Variants in AMPH observed in about 807,000 individuals in gnomAD.
The protein encoded by AMPH is amphiphysin.
In AMPH, 49 loss-of-function variants were observed where a neutral mutation model predicts 99.1. That is an observed-to-expected ratio of 0.49 (90% CI 0.39 to 0.63). The LOEUF is 0.63. Among genes scored for constraint, AMPH ranks in the 20% least tolerant of loss-of-function variants. AMPH has a pLI of 0.00. For synonymous variants in AMPH, 314 were observed against 317.3 expected (o/e 0.99, Z 0.11); for missense variants, 759 against 863.4 (o/e 0.88, Z 1.52).
intron 3 of AMPH, among the ~76,000 whole-genome samples, chr7:38,496,294 A>G (rs1325475697): frequency 1.3e-5 from 2 of 152,324 alleles, no homozygotes; most frequent in South Asian, 4.1e-4. Flanking sequence ...TACATCCTTG[A>G]GGAGTATGTA....
chr7:38,542,399 C>T (rs1790837468), intron 1 of AMPH, among the ~76,000 whole-genome samples: 1 of 152,180 alleles, frequency 6.6e-6, no homozygotes, highest in Non-Finnish European at 1.5e-5. Context: ...TCTCCAACCT[C>T]TTTAGATCAT....
intron 1 of AMPH, among the ~76,000 whole-genome samples, chr7:38,610,326 G>T (rs1460306452): frequency 3.7e-5 from 1 of 27,356 alleles, no homozygotes; most frequent in African/African-American, 1.9e-4. Flanking sequence ...GAAAAGAAAA[G>T]AAAAGAAAAA....
intron 2 of AMPH, among the ~76,000 whole-genome samples, chr7:38,510,307 C>G (rs2129029947): frequency 6.6e-6 from 1 of 152,228 alleles, no homozygotes; most frequent in South Asian, 2.1e-4. Flanking sequence ...GATTAAGGCT[C>G]ACATATATGA....
chr7:38,591,290 C>CT (rs67135369), intron 1 of AMPH, among the ~76,000 whole-genome samples: 41,722 of 138,656 alleles, frequency 0.3, 6,655 homozygotes, highest in Non-Finnish European at 0.36. Context: ...TTTTCTTTTT[C>CT]TTTTTTTTTT....
chr7:38,475,303 T>C (rs776696804), intron 7 of AMPH, 28 bp downstream of exon 7: 16 of 1,462,708 alleles, frequency 1.1e-5, no homozygotes, highest in South Asian at 1.0e-4. Context: ...AAAAGGAACA[T>C]GTGCAACCCA....
At chr7:38,467,000 A>AT (rs1296493276) in intron 7 of AMPH, among the ~76,000 whole-genome samples, 1 of 152,148 alleles carries the variant, frequency 6.6e-6, no homozygotes, top group Non-Finnish European at 1.5e-5. Flanking sequence ...CTTTTAATTG[A>AT]TTTTAAAAGA....
intron 1 of AMPH, among the ~76,000 whole-genome samples, chr7:38,538,263 A>G (rs528184269): frequency 3.9e-4 from 60 of 152,346 alleles, no homozygotes; most frequent in African/African-American, 1.4e-3. Context: ...TACATTAGGC[A>G]TTTTCCCTAG....
chr7:38,475,553 T>TACTTGGTAAAA, intron 6 of AMPH, 137 bp from the exon 7 acceptor site: 1 of 601,994 alleles, frequency 1.7e-6, no homozygotes, highest in Non-Finnish European at 2.9e-6. Flanking sequence ...GTTAAAAGCA[T>TACTTGGTAAAA]ATCCTTGTTT....
intron 5 of AMPH, among the ~76,000 whole-genome samples, chr7:38,478,193 C>G (rs1390829107): frequency 6.6e-6 from 1 of 151,904 alleles, no homozygotes; most frequent in Non-Finnish European, 1.5e-5. Flanking sequence ...GGAGAGAGAC[C>G]CCTTCTGCAG....
chr7:38,528,213 T>G (rs1790262160), intron 2 of AMPH, among the ~76,000 whole-genome samples: 1 of 152,198 alleles, frequency 6.6e-6, no homozygotes, highest in Non-Finnish European at 1.5e-5. Context: ...CTTTTTTTCA[T>G]ACTATTGTTG....
chr7:38,499,991 C>T (rs1175157909), intron 3 of AMPH, among the ~76,000 whole-genome samples: 1 of 152,212 alleles, frequency 6.6e-6, no homozygotes, highest in African/African-American at 2.4e-5. Flanking sequence ...CCATGTGGAA[C>T]TGTGAGTCCA....
At chr7:38,385,498 C>A (rs1265493714) in intron 20 of AMPH, among the ~76,000 whole-genome samples, 1 of 152,202 alleles carries the variant, frequency 6.6e-6, no homozygotes, top group African/African-American at 2.4e-5. Flanking sequence ...AGATGTAGGG[C>A]TCATCAAATA....
chr7:38,567,602 T>C (rs144675742), intron 1 of AMPH, among the ~76,000 whole-genome samples: 80 of 152,348 alleles, frequency 5.3e-4, no homozygotes, highest in African/African-American at 1.7e-3. Context: ...TTGCTATCCA[T>C]GAATCCTTCA....
At chr7:38,540,800 G>C (rs1195476176) in intron 1 of AMPH, among the ~76,000 whole-genome samples, 2 of 147,030 alleles carry the variant, frequency 1.4e-5, no homozygotes, top group South Asian at 2.2e-4. Flanking sequence ...TGAAGGCCAG[G>C]CATGGCTTGT....
At chr7:38,522,219 G>A (rs1789991746) in intron 2 of AMPH, among the ~76,000 whole-genome samples, 1 of 152,148 alleles carries the variant, frequency 6.6e-6, no homozygotes, top group Non-Finnish European at 1.5e-5. Flanking sequence ...AAAGCAAACT[G>A]CTCGCTAAGT....
chr7:38,477,211 C>T (rs75864977), intron 5 of AMPH, among the ~76,000 whole-genome samples: 14,689 of 151,780 alleles, frequency 0.097, 939 homozygotes, highest in Middle Eastern at 0.2. Context: ...TAATCACAAG[C>T]AGCTGAGGGC....
At chr7:38,470,546 ATTTTTGGAAGG>A (rs1787845103) in intron 7 of AMPH, among the ~76,000 whole-genome samples, 2 of 152,054 alleles carry the variant, frequency 1.3e-5, no homozygotes, top group Non-Finnish European at 2.9e-5. Context: ...TCTCTGATTA[ATTTTTGGAAGG>A]CTTTTCCACA....
intron 20 of AMPH, among the ~76,000 whole-genome samples, chr7:38,387,275 G>A (rs1784374293): frequency 6.6e-6 from 1 of 152,112 alleles, no homozygotes; most frequent in Non-Finnish European, 1.5e-5. Context: ...ATGACCAAAA[G>A]ATTAAAAAGC....
At chr7:38,599,613 T>TGCGGG (rs1793175438) in intron 1 of AMPH, among the ~76,000 whole-genome samples, 1 of 152,176 alleles carries the variant, frequency 6.6e-6, no homozygotes, top group Non-Finnish European at 1.5e-5. Context: ...TTTTACTGCA[T>TGCGGG]TGCGGGGTTG....
Sources: allele counts gnomAD v4.1 joint callset (sites outside exome capture counted in the v4.1 genomes callset), GRCh38; gene constraint gnomAD v4.1.1; transcripts MANE v1.5; gene names NCBI Gene and HGNC (gene_info 2026-07-23, HGNC 2026-07-21).